DNAH5: variants seen among roughly 807,000 people sequenced by gnomAD.
DNAH5 encodes dynein axonemal heavy chain 5.
In DNAH5, 372 loss-of-function variants were observed where a neutral mutation model predicts 518.2. The ratio of observed to expected loss-of-function variants is 0.72; its 90% CI spans 0.66 to 0.78. DNAH5 has a LOEUF of 0.78. Ranked by LOEUF, DNAH5 falls within the 30% of genes least tolerant of loss-of-function variation. The probability of loss-of-function intolerance (pLI) is 0.00; values close to 1 mark genes in which losing one functional copy is unlikely to be tolerated. For synonymous variants in DNAH5, 2,039 were observed against 2,025.9 expected (o/e 1.01, Z -0.17); for missense variants, 5,523 against 5,687.0 (o/e 0.97, Z 0.93).
intron 65 of DNAH5, among the ~76,000 whole-genome samples, chr5:13,740,159 C>T (rs535790135): frequency 1.4e-4 from 22 of 152,174 alleles, no homozygotes; most frequent in African/African-American, 5.3e-4. Context: ...GTTCTATGAC[C>T]TCCACTTCAA....
intron 72 of DNAH5, among the ~76,000 whole-genome samples, chr5:13,718,500 C>G (rs935395435): frequency 6.6e-6 from 1 of 152,298 alleles, no homozygotes; most frequent in African/African-American, 2.4e-5. Context: ...TGACATATGG[C>G]CCTAATGAAA....
Position 13,818,895 on chromosome 5 carries a change from T to G in DNAH5, c.6842-1201A>C, listed in dbSNP as rs10071823. Among the ~76,000 whole-genome samples, 1,395 of 152,320 alleles carry G rather than the reference T, an allele frequency of 9.2e-3. 23 individuals carry two copies. The highest frequency in any genetic ancestry group is 0.032 in the African/African-American group (1,310 of 41,538). ...CCTTTTGGATTATTAACATTTTCAG[T>G]GAGAAACAATGGTTCTTTAAGTAAG... On this transcript the variant is annotated intron_variant, in intron 41 of 78. Transcript: ENST00000265104.
chr5:13,864,742 C>T, intron 27 of DNAH5, 105 bp from the exon 28 acceptor site: 2 of 1,250,720 alleles, frequency 1.6e-6, no homozygotes, highest in Non-Finnish European at 2.3e-6. Context: ...TCTTTGAATA[C>T]TTATCCTATT....
intron 1 of DNAH5, among the ~76,000 whole-genome samples, chr5:13,934,083 T>C (rs1580959141): frequency 6.6e-6 from 1 of 151,576 alleles, no homozygotes; most frequent in Non-Finnish European, 1.5e-5. Context: ...AATCTGAGGG[T>C]AAATGAGATG....
At chr5:13,900,822 C>A in intron 14 of DNAH5, 2 of 302,190 alleles carry the variant, frequency 6.6e-6, no homozygotes, top group East Asian at 8.4e-5. Flanking sequence ...ACATCGCATC[C>A]TGACAGCCTA....
In DNAH5 at chr5:13,794,222, A is replaced by T. The variant is rs556089850; in HGVS notation, c.7888-164T>A. ...TAACAAATTCTAAAGTACCTAAATT[A>T]TCTTGTATAACATTCACAAAATTTG... On this transcript the variant is annotated intron_variant, in intron 47 of 78. Coordinates refer to ENST00000265104, the MANE Select transcript of DNAH5 (RefSeq NM_001369.3). 6.6e-5 allele frequency among the ~76,000 whole-genome samples: 10 copies of T among 152,388 alleles called. No individual in the cohort carries two copies. The South Asian group carries it at 2.1e-3, about 32-fold the overall frequency.
chr5:13,882,818 A>G lies in DNAH5; in HGVS notation c.3175-3T>C. On this transcript the variant is annotated splice_polypyrimidine_tract_variant and splice_region_variant and intron_variant, in intron 20 of 78. Coordinates refer to ENST00000265104, the MANE Select transcript of DNAH5 (RefSeq NM_001369.3). ...ATTTTTCTTTCTTGTATCTTTTTCT[A>G]CAATGTAAAAGGATATTTTTCAGTT... The G allele has an allele frequency of 1.9e-6, 3 of 1,613,942 alleles. No homozygotes were observed. The highest frequency in any genetic ancestry group is 1.7e-6 in the Non-Finnish European group (2 of 1,179,820).
chr5:13,769,703 G>A (rs971759878), intron 56 of DNAH5, 88 bp from the exon 57 acceptor site: 2 of 1,116,878 alleles, frequency 1.8e-6, no homozygotes, highest in Admixed American at 3.4e-5. Flanking sequence ...GAGTGGTAAT[G>A]GTTATATCTG....
At chr5:13,736,345 ATTGC>A (rs1465150772) in intron 66 of DNAH5, among the ~76,000 whole-genome samples, 7 of 152,004 alleles carry the variant, frequency 4.6e-5, no homozygotes, top group Admixed American at 6.6e-5. Context: ...AAAACAAGCC[ATTGC>A]AAAGATGATG....
intron 70 of DNAH5, among the ~76,000 whole-genome samples, chr5:13,723,526 T>C (rs931713138): frequency 2.0e-5 from 3 of 152,242 alleles, no homozygotes; most frequent in African/African-American, 7.2e-5. Context: ...AGCCATGAGC[T>C]AACATGTTAG....
chr5:13,912,881 A>G lies in DNAH5; in HGVS notation c.1536+862T>C, dbSNP rs529117798. Among the ~76,000 whole-genome samples the G allele has an allele frequency of 5.3e-5, 8 of 152,030 alleles. No homozygotes were observed. The South Asian group carries it at 1.7e-3, about 32-fold the overall frequency. On this transcript the variant is annotated intron_variant, in intron 11 of 78. Transcript: ENST00000265104. ...CAATCTACTTAATTATTTTCTTGAC[A>G]GATATTTATTGCACATCTACTATGT...
chr5:13,760,267 CA>C (rs1751598478), intron 60 of DNAH5, among the ~76,000 whole-genome samples: 1 of 152,182 alleles, frequency 6.6e-6, no homozygotes, highest in African/African-American at 2.4e-5. Context: ...AATTGCTAAT[CA>C]AAATCCTTCA....
At chr5:13,911,102 A>C (rs1314697787) in intron 12 of DNAH5, among the ~76,000 whole-genome samples, 1 of 152,222 alleles carries the variant, frequency 6.6e-6, no homozygotes, top group Non-Finnish European at 1.5e-5. Flanking sequence ...ATCGTGCCGC[A>C]ATGTTCAACA....
Position 13,876,566 on chromosome 5 carries a change from C to T in DNAH5, c.3396+118G>A, listed in dbSNP as rs1400212681. On this transcript the variant is annotated intron_variant, in intron 22 of 78. Transcript: ENST00000265104. ...ATTTGCTGAGCACATACAAGATGCT[C>T]CCTGAAAGCACAGTGTGTGAGACCC... The T allele has an allele frequency of 9.0e-6, 11 of 1,228,044 alleles. No individual in the cohort carries two copies. The African/African-American group carries it at 1.7e-4, about 19-fold the overall frequency. The allele number at this position is 1,228,044 out of a possible 1,614,324, so 76.1% of individuals were successfully genotyped here. A position where few individuals can be genotyped will look rare whatever the true frequency, so the allele number is the denominator to read the frequency against.
At chr5:13,793,322 G>C (rs964944122) in intron 49 of DNAH5, among the ~76,000 whole-genome samples, 193 bp downstream of exon 49, 2 of 152,130 alleles carry the variant, frequency 1.3e-5, no homozygotes, top group Admixed American at 6.5e-5. Context: ...GCTCTACCAA[G>C]TCATCCAAAT....
chr5:13,893,819 C>G (rs576113286), intron 16 of DNAH5, among the ~76,000 whole-genome samples: 2 of 151,342 alleles, frequency 1.3e-5, no homozygotes, highest in South Asian at 2.1e-4. Flanking sequence ...GCAAGACTCA[C>G]TCTGGGCTAT....
rs753846579 is a variant in DNAH5, at chr5:13,859,617, A to C, written c.4797-12T>G. 3 of 1,613,086 alleles carry C rather than the reference A, an allele frequency of 1.9e-6. No individual in the cohort carries two copies. Among genetic ancestry groups the C allele is most frequent in the East Asian group, 4.5e-5 (2 of 44,884 alleles). ...ATGGCATATTGTACCTAAAATAAGA[A>C]ATAGGTTTAGGGTTTGGTTTTGTTT... On this transcript the variant is annotated splice_polypyrimidine_tract_variant and intron_variant, in intron 29 of 78. Coordinates refer to ENST00000265104, the MANE Select transcript of DNAH5 (RefSeq NM_001369.3).
chr5:13,986,413 C>A (rs1783057988), intron 1 of DNAH5, among the ~76,000 whole-genome samples: 2 of 152,154 alleles, frequency 1.3e-5, no homozygotes, highest in African/African-American at 4.8e-5. Context: ...CAGAGGAGAA[C>A]CCCGGGCCAA....
chr5:13,896,662 A>T (rs1773951980), intron 15 of DNAH5: 1 of 152,216 alleles, frequency 6.6e-6, no homozygotes, highest in South Asian at 2.1e-4. Context: ...GGCACATAGG[A>T]GATAATAAAT....
Sources: gnomAD v4.1 joint callset for allele counts (sites outside exome capture counted in the v4.1 genomes callset) on GRCh38, gnomAD v4.1.1 for gene constraint, MANE v1.5 for transcripts, NCBI Gene and HGNC (gene_info 2026-07-23, HGNC 2026-07-21) for gene names.